RIMBP2: variants seen among roughly 807,000 people sequenced by gnomAD.
The protein encoded by RIMBP2 is RIMS-binding protein 2.
A neutral mutation model predicts 118.6 loss-of-function variants in RIMBP2; 48 were observed. The ratio of observed to expected loss-of-function variants is 0.40; its 90% CI spans 0.32 to 0.51. The LOEUF (loss-of-function observed/expected upper bound fraction) is 0.51. RIMBP2 is among the 20% of genes least tolerant of loss of function. The pLI is 0.41. For missense variants in RIMBP2, 1,551 were observed against 1,768.3 expected (o/e 0.88, Z 2.20); for synonymous variants, 762 against 742.9 (o/e 1.03, Z -0.42).
intron 14 of RIMBP2, chr12:130,432,213 G>A (rs573646576): frequency 2.8e-5 from 13 of 456,558 alleles, no homozygotes; most frequent in East Asian, 1.4e-4. Flanking sequence ...GGGGAAAGGC[G>A]TGGAAACAGG....
intron 5 of RIMBP2, among the ~76,000 whole-genome samples, chr12:130,473,889 T>C (rs2137955876): frequency 6.6e-6 from 1 of 152,214 alleles, no homozygotes; most frequent in East Asian, 1.9e-4. Context: ...TGAGCTCAGC[T>C]TCTCTTAGTA....
At chr12:130,642,692 C>G (rs944613203) in intron 1 of RIMBP2, among the ~76,000 whole-genome samples, 2 of 152,248 alleles carry the variant, frequency 1.3e-5, no homozygotes, top group Non-Finnish European at 2.9e-5. Context: ...GCACCAGGCA[C>G]TGTCCACGAT....
intron 11 of RIMBP2, among the ~76,000 whole-genome samples, chr12:130,439,264 ATGTG>A (rs1200461217): frequency 4.7e-5 from 7 of 149,188 alleles, no homozygotes; most frequent in Non-Finnish European, 8.8e-5. Context: ...GTACATGTGT[ATGTG>A]TGTATGTACA....
intron 1 of RIMBP2, among the ~76,000 whole-genome samples, chr12:130,656,344 C>T (rs977145730): frequency 6.6e-6 from 1 of 152,210 alleles, no homozygotes; most frequent in South Asian, 2.1e-4. Context: ...GAATTCTGCC[C>T]GTCCCAGTGG....
rs777425020 is a variant in RIMBP2, at chr12:130,685,723, T to C, written c.-352+30499A>G. 1.8e-4 allele frequency among the ~76,000 whole-genome samples: 28 copies of C among 152,104 alleles called. 1 individual carries two copies. Among genetic ancestry groups the C allele is most frequent in the Non-Finnish European group, 4.1e-4 (28 of 68,004 alleles). ...TCTTTATGTTCTAAAAGCAGATCAC[T>C]CCAAACAGCCCCCTTCCCCTCAGGC... On this transcript the variant is annotated intron_variant, in intron 1 of 22. Coordinates refer to ENST00000690449, the MANE Select transcript of RIMBP2 (RefSeq NM_001393629.1).
intron 1 of RIMBP2, among the ~76,000 whole-genome samples, chr12:130,665,197 G>A (rs144812124): frequency 2.9e-4 from 44 of 151,740 alleles, no homozygotes; most frequent in Middle Eastern, 3.4e-3. Context: ...CTGAAATCAC[G>A]TGTTTCCTGA....
intron 2 of RIMBP2, among the ~76,000 whole-genome samples, chr12:130,521,786 C>A (rs933734170): frequency 1.3e-5 from 2 of 152,220 alleles, no homozygotes; most frequent in African/African-American, 4.8e-5. Context: ...AAGAGAAAAC[C>A]CAGCTTCCAG....
In RIMBP2 at chr12:130,424,191, G is replaced by A; in HGVS notation, c.3080C>T (p.Ala1027Val). 2 of 1,232,138 alleles carry A rather than the reference G, an allele frequency of 1.6e-6. No homozygotes were observed. The highest frequency in any genetic ancestry group is 3.2e-5 in the East Asian group (1 of 31,688). 76.3% of individuals were successfully genotyped at this position (1,232,138 alleles called of 1,614,324 possible). Reference protein sequence around the residue: ...KKSITMPDSRAAAPHAKPPPR... With the variant: ...KKSITMPDSRVAAPHAKPPPR... ...AGGTGGCTTTGCGTGGGGGGCAGCT[G>A]CCCTACTGTCGGGCATGGTTATGCT... is the stretch of plus-strand genomic sequence containing the variant. Residue 1027 changes from alanine (A) to valine (V), a missense_variant, in exon 16 of 23, where the codon GCA becomes GTA. By Grantham distance (64) the Ala-to-Val change is moderately conservative. This residue lies in a region of RIMBP2 where 1,038 missense variants were observed against 1,125.1 expected (regional missense o/e 0.92). Coordinates refer to ENST00000690449, the MANE Select transcript of RIMBP2 (RefSeq NM_001393629.1). This position sits in a 1 kb window ranked among gnomAD's most constrained non-coding sequence, Gnocchi z 9.8.
chr12:130,649,611 G>A (rs183424160), intron 1 of RIMBP2, among the ~76,000 whole-genome samples: 7 of 152,318 alleles, frequency 4.6e-5, no homozygotes, highest in African/African-American at 1.2e-4. Flanking sequence ...GAGACAGCGC[G>A]GGCCACATAG....
At chr12:130,636,527 C>T (rs1256341927) in intron 1 of RIMBP2, among the ~76,000 whole-genome samples, 2 of 152,182 alleles carry the variant, frequency 1.3e-5, no homozygotes, top group Admixed American at 6.5e-5. Flanking sequence ...ATCCCCTAAT[C>T]CAAGGGCTTC....
chr12:130,539,577 G>A (rs61934598), intron 2 of RIMBP2, among the ~76,000 whole-genome samples: 1,808 of 92,108 alleles, frequency 0.02, 85 homozygotes, highest in Middle Eastern at 0.042. Flanking sequence ...GCAGTCGATG[G>A]GGTGGCCAGG....
intron 1 of RIMBP2, among the ~76,000 whole-genome samples, chr12:130,711,839 T>C (rs1375880216): frequency 6.6e-6 from 1 of 152,216 alleles, no homozygotes; most frequent in African/African-American, 2.4e-5. Context: ...TGAGCGCACC[T>C]CACACACAGG....
intron 5 of RIMBP2, among the ~76,000 whole-genome samples, chr12:130,471,556 C>CCCCT (rs1186126716): frequency 6.6e-6 from 1 of 152,172 alleles, no homozygotes; most frequent in African/African-American, 2.4e-5. Context: ...CCCATGGAGG[C>CCCCT]CCCTCACTCT....
chr12:130,435,591 C>A (rs1386487199), intron 13 of RIMBP2, among the ~76,000 whole-genome samples: 2 of 152,224 alleles, frequency 1.3e-5, no homozygotes, highest in South Asian at 4.1e-4. Context: ...ACGGCCTCCC[C>A]AGAAGCACCA....
chr12:130,668,279 C>T (rs2064039974), intron 1 of RIMBP2: 1 of 152,224 alleles, frequency 6.6e-6, no homozygotes, highest in African/African-American at 2.4e-5. Context: ...ATACGGGGTC[C>T]TGACCCCAGG....
In RIMBP2 at chr12:130,703,774, A is replaced by G. The variant is rs1252837354; in HGVS notation, c.-352+12448T>C. Among the ~76,000 whole-genome samples, 2 of 152,104 alleles carry G rather than the reference A, an allele frequency of 1.3e-5. No homozygotes were observed. The highest frequency in any genetic ancestry group is 2.4e-5 in the African/African-American group (1 of 41,434). On this transcript the variant is annotated intron_variant, in intron 1 of 22. Coordinates refer to ENST00000690449, the MANE Select transcript of RIMBP2 (RefSeq NM_001393629.1). This position sits in a 1 kb window ranked among gnomAD's most constrained non-coding sequence, Gnocchi z 5.7. ...TTTGAAACGGTGTTTCCTAGGGGAG[A>G]AGAAAGGAAAACAGCACCCACAATT...
intron 2 of RIMBP2, among the ~76,000 whole-genome samples, chr12:130,600,996 C>T (rs1158374209): frequency 6.6e-6 from 1 of 152,186 alleles, no homozygotes; most frequent in Non-Finnish European, 1.5e-5. Context: ...TTGTAGCCAT[C>T]TCCAAGCCCT....
intron 1 of RIMBP2, among the ~76,000 whole-genome samples, chr12:130,673,499 G>A (rs1022465802): frequency 6.6e-6 from 1 of 152,236 alleles, no homozygotes; most frequent in Non-Finnish European, 1.5e-5. Flanking sequence ...GACCTCCAGA[G>A]GCTGGGGAAG....
chr12:130,695,513 G>A (rs988179041), intron 1 of RIMBP2, among the ~76,000 whole-genome samples: 8 of 152,204 alleles, frequency 5.3e-5, no homozygotes, highest in Non-Finnish European at 8.8e-5. Context: ...AGGCCAAAGT[G>A]GGAGGTTCGC....
Sources: gnomAD v4.1 joint callset for allele counts (sites outside exome capture counted in the v4.1 genomes callset) on GRCh38, gnomAD v4.1.1 for gene constraint, gnomAD v4.1.1 regional missense constraint, Gnocchi (gnomAD v3.1) non-coding constraint, MANE v1.5 for transcripts, NCBI Gene and HGNC (gene_info 2026-07-23, HGNC 2026-07-21) for gene names.